Variants in PPP3R1 observed in about 807,000 individuals in gnomAD.
The protein encoded by PPP3R1 is protein phosphatase 3 regulatory subunit B, alpha.
Under a neutral mutation model 22.6 loss-of-function variants are expected in PPP3R1, and 5 were observed. The observed-to-expected ratio is 0.22, with a 90% CI of 0.12 to 0.46. PPP3R1 has a LOEUF of 0.46. Among genes scored for constraint, PPP3R1 ranks in the 20% least tolerant of loss-of-function variants. The pLI is 0.99. For synonymous variants in PPP3R1, 56 were observed against 65.2 expected, an observed-to-expected ratio of 0.86 and a Z score of 0.68; for missense variants, 61 against 203.2, an observed-to-expected ratio of 0.30 and a Z score of 4.25.
chr2:68,222,831 A>G (rs539728399), intron 1 of PPP3R1, among the ~76,000 whole-genome samples: 6 of 152,318 alleles, frequency 3.9e-5, no homozygotes, highest in Admixed American at 6.5e-5. Flanking sequence ...AGAATACTCA[A>G]TCCCATGAAA....
chr2:68,209,115 T>C (rs1234900169), intron 2 of PPP3R1, among the ~76,000 whole-genome samples: 1 of 150,626 alleles, frequency 6.6e-6, no homozygotes, highest in South Asian at 2.1e-4. Flanking sequence ...TCCCAGCACT[T>C]TGGGAGGCCG....
intron 2 of PPP3R1, among the ~76,000 whole-genome samples, chr2:68,193,708 T>C (rs550763387): frequency 4.7e-4 from 71 of 152,238 alleles, no homozygotes; most frequent in African/African-American, 1.6e-3. Flanking sequence ...TATTAGAGTA[T>C]GAAACAGAGT....
At chr2:68,203,021 C>T (rs1021867065) in intron 2 of PPP3R1, among the ~76,000 whole-genome samples, 1 of 151,842 alleles carries the variant, frequency 6.6e-6, no homozygotes, top group Non-Finnish European at 1.5e-5. Flanking sequence ...ACAAGGTAAC[C>T]CAAACTATTT....
chr2:68,190,118 C>T (rs1053947831), intron 2 of PPP3R1, among the ~76,000 whole-genome samples: 1 of 150,860 alleles, frequency 6.6e-6, no homozygotes, highest in Non-Finnish European at 1.5e-5. Flanking sequence ...AAAACTACAG[C>T]TACAAGATGG....
At chr2:68,205,087 C>T (rs905881073) in intron 2 of PPP3R1, among the ~76,000 whole-genome samples, 2 of 152,014 alleles carry the variant, frequency 1.3e-5, no homozygotes, top group African/African-American at 4.8e-5. Context: ...AAATTTCAAA[C>T]ACACACAAAG....
chr2:68,195,445 T>TG (rs1674748428), intron 2 of PPP3R1, among the ~76,000 whole-genome samples: 1 of 152,116 alleles, frequency 6.6e-6, no homozygotes. Flanking sequence ...TTGGCCAAGG[T>TG]GGTGGCTGCC....
intron 2 of PPP3R1, 22 bp from the exon 3 acceptor site, chr2:68,188,712 A>G (rs1558627438): frequency 6.5e-7 from 1 of 1,546,422 alleles, no homozygotes; most frequent in Non-Finnish European, 8.7e-7. Context: ...CAAAAAAGGA[A>G]GCAAGAATTT....
rs74640819 is a variant in PPP3R1 at position 68,186,933 on chromosome 2, A to G, written c.281-281T>C. 1.1e-3 allele frequency among the ~76,000 whole-genome samples: 164 copies of G among 152,346 alleles called. 4 individuals carry two copies. The East Asian group carries it at 0.028, about 26-fold the overall frequency. On this transcript the variant is annotated intron_variant, in intron 4 of 5. Coordinates refer to ENST00000234310, the MANE Select transcript of PPP3R1 (RefSeq NM_000945.4). ...TAAAACTGGATATAGTAACAACTCCAACCTCTCCGGTTCTTTAGAACATTT... is the reference window on the plus strand; with the variant it reads ...TAAAACTGGATATAGTAACAACTCCGACCTCTCCGGTTCTTTAGAACATTT...
intron 2 of PPP3R1, among the ~76,000 whole-genome samples, chr2:68,211,137 T>A (rs1669473398): frequency 6.6e-6 from 1 of 152,184 alleles, no homozygotes; most frequent in African/African-American, 2.4e-5. Context: ...CTGGGCGCGG[T>A]GGCTCACGCC....
intron 2 of PPP3R1, 110 bp downstream of exon 2, chr2:68,216,982 G>C: frequency 4.0e-6 from 3 of 755,318 alleles, no homozygotes; most frequent in Non-Finnish European, 2.1e-6. Context: ...TGCTACAAAG[G>C]TAAGTAAATA....
chr2:68,195,950 A>G (rs1674758315), intron 2 of PPP3R1, among the ~76,000 whole-genome samples: 1 of 151,706 alleles, frequency 6.6e-6, no homozygotes. Flanking sequence ...GGCTTATCCC[A>G]ACTATACGTA....
chr2:68,229,983 C>T (rs1028009318), intron 1 of PPP3R1, among the ~76,000 whole-genome samples: 2 of 51,652 alleles, frequency 3.9e-5, no homozygotes, highest in Admixed American at 4.2e-4. Flanking sequence ...TACACACACA[C>T]ACACACACAC....
chr2:68,236,530 T>C (rs1670023416), intron 1 of PPP3R1, among the ~76,000 whole-genome samples: 1 of 152,140 alleles, frequency 6.6e-6, no homozygotes, highest in African/African-American at 2.4e-5. Context: ...AAGTAGAATT[T>C]TGGTTACAGT....
intron 2 of PPP3R1, among the ~76,000 whole-genome samples, chr2:68,209,977 A>G (rs767237859): frequency 5.9e-5 from 9 of 151,984 alleles, no homozygotes; most frequent in African/African-American, 1.7e-4. Flanking sequence ...TTTTGGGGGA[A>G]AAAAAAGGAG....
intron 1 of PPP3R1, among the ~76,000 whole-genome samples, chr2:68,229,759 C>G (rs1335237681): frequency 6.6e-6 from 1 of 152,010 alleles, no homozygotes; most frequent in South Asian, 2.1e-4. Flanking sequence ...CTTCCTTTTA[C>G]TTTCAACATG....
intron 1 of PPP3R1, among the ~76,000 whole-genome samples, chr2:68,238,643 A>G (rs1448904655): frequency 6.6e-6 from 1 of 152,198 alleles, no homozygotes; most frequent in East Asian, 1.9e-4. Context: ...TCATGGCAAT[A>G]GGTAAGGCAG....
Position 68,232,124 on chromosome 2 carries a change from T to TATACACACACACACAC in PPP3R1, c.4-14994_4-14993insGTGTGTGTGTGTGTAT, listed in dbSNP as rs1553408863. 1.7e-4 allele frequency among the ~76,000 whole-genome samples: 17 copies of TATACACACACACACAC among 97,996 alleles called. 1 individual carries two copies. The highest frequency in any genetic ancestry group is 3.3e-4 in the South Asian group (1 of 3,044). The allele number at this position is 97,996 out of a possible 152,430, so 64.3% of individuals were successfully genotyped here. ...AAAAAAAAAAATATATATATATATA[T>TATACACACACACACAC]ACACACACACACACATATATATGTA... On this transcript the variant is annotated intron_variant, in intron 1 of 5. Transcript: ENST00000234310.
chr2:68,252,198 G>A lies in PPP3R1; in HGVS notation c.-71C>T. 7.1e-6 allele frequency: 9 copies of A among 1,270,194 alleles called. No homozygotes were observed. The highest frequency in any genetic ancestry group is 9.2e-6 in the Non-Finnish European group (9 of 981,886). 78.7% of individuals were successfully genotyped at this position (1,270,194 alleles called of 1,614,324 possible). On this transcript the variant is annotated 5_prime_UTR_variant, in exon 1 of 6. Transcript: ENST00000234310. ...GTGTTGCGCTCAGGCTGGCTCGCAG[G>A]AAACGGCGGCGGCGGCCCAGCTGCG...
At chr2:68,221,689 A>C (rs1230298908) in intron 1 of PPP3R1, among the ~76,000 whole-genome samples, 1 of 152,172 alleles carries the variant, frequency 6.6e-6, no homozygotes, top group African/African-American at 2.4e-5. Flanking sequence ...CATGGAAAAA[A>C]AAAAGCCACA....
Sources: gnomAD v4.1 joint callset for allele counts (sites outside exome capture counted in the v4.1 genomes callset) on GRCh38, gnomAD v4.1.1 for gene constraint, MANE v1.5 for transcripts, NCBI Gene and HGNC (gene_info 2026-07-23, HGNC 2026-07-21) for gene names.